The following BCKDHB variants were observed in gnomAD, a reference collection of about 807,000 sequenced individuals.
The protein encoded by BCKDHB is 2-oxoisovalerate dehydrogenase subunit beta, mitochondrial.
BCKDHB carries 41 observed loss-of-function variants against 48.5 expected under a neutral mutation model. That is an observed-to-expected ratio of 0.85 (90% CI 0.66 to 1.10). The LOEUF (loss-of-function observed/expected upper bound fraction) is 1.10. BCKDHB is among the 50% of genes least tolerant of loss of function. The probability of loss-of-function intolerance (pLI) is 0.00; values close to 1 mark genes in which losing one functional copy is unlikely to be tolerated. For missense variants in BCKDHB, 496 were observed against 494.2 expected (o/e 1.00, Z -0.03); for synonymous variants, 201 against 174.8 (o/e 1.15, Z -1.18).
the BCKDHB span, chr6:80,453,166 G>A: frequency 6.6e-6 from 1 of 152,128 alleles, no homozygotes; most frequent in Non-Finnish European, 1.5e-5. Flanking sequence ...GCGGGAACTG[G>A]GGGCTCTGCT....
At position 80,184,383 on chromosome 6, in the gene BCKDHB, T is replaced by TATCTACTTGGTAGATAC. The variant is rs1173401500; in HGVS notation, c.742+12994_742+12995insTCTACTTGGTAGATACA. Among the ~76,000 whole-genome samples, 4 of 152,186 alleles carry TATCTACTTGGTAGATAC rather than the reference T, an allele frequency of 2.6e-5. No homozygotes were observed. In the South Asian group the frequency reaches 8.3e-4, roughly 31 times the overall value. On this transcript the variant is annotated intron_variant, in intron 6 of 9. Coordinates refer to ENST00000320393, the MANE Select transcript of BCKDHB (RefSeq NM_183050.4). ...AGACAGACAGTAGATACTTGGTTGGTAGATTTTTATTTATTCTGTATCTCT... is the reference window on the plus strand; with the variant it reads ...AGACAGACAGTAGATACTTGGTTGGTATCTACTTGGTAGATACAGATTTTTATTTATTCTGTATCTCT...
intron 9 of BCKDHB, among the ~76,000 whole-genome samples, chr6:80,288,408 T>C (rs1488132546): frequency 6.6e-6 from 1 of 152,178 alleles, no homozygotes; most frequent in Non-Finnish European, 1.5e-5. Flanking sequence ...ATTTGTTTAA[T>C]GGCATACTGA....
intron 8 of BCKDHB, among the ~76,000 whole-genome samples, chr6:80,259,813 A>G (rs1777217688): frequency 6.6e-6 from 1 of 152,166 alleles, no homozygotes; most frequent in Admixed American, 6.5e-5. Context: ...CCAATTCTGA[A>G]TTTTATTTTT....
chr6:80,303,737 C>T (rs1199191585), intron 9 of BCKDHB, among the ~76,000 whole-genome samples: 1 of 151,934 alleles, frequency 6.6e-6, no homozygotes, highest in Non-Finnish European at 1.5e-5. Context: ...AGCAAATAGA[C>T]CTAAGGAACT....
chr6:80,209,284 C>T (rs1379872941), intron 8 of BCKDHB, among the ~76,000 whole-genome samples: 1 of 151,690 alleles, frequency 6.6e-6, no homozygotes, highest in African/African-American at 2.4e-5. Flanking sequence ...ATACGTATGT[C>T]AGAACTTTAC....
At chr6:80,453,169 G>C in the BCKDHB span, 1 of 152,084 alleles carries the variant, frequency 6.6e-6, no homozygotes, top group Non-Finnish European at 1.5e-5. Context: ...GGAACTGGGG[G>C]CTCTGCTCAT....
intron 8 of BCKDHB, among the ~76,000 whole-genome samples, chr6:80,258,363 A>G (rs955017767): frequency 4.6e-5 from 7 of 152,172 alleles, no homozygotes; most frequent in African/African-American, 1.2e-4. Flanking sequence ...TGAAGGGGCA[A>G]TGGGTTGAGA....
At chr6:80,316,287 T>A (rs1768439458) in intron 9 of BCKDHB, among the ~76,000 whole-genome samples, 1 of 152,272 alleles carries the variant, frequency 6.6e-6, no homozygotes, top group Non-Finnish European at 1.5e-5. Context: ...TTAGATTTCC[T>A]TGAATCATAA....
chr6:80,197,984 A>G (rs1434393882), intron 6 of BCKDHB, among the ~76,000 whole-genome samples: 3 of 150,704 alleles, frequency 2.0e-5, no homozygotes, highest in Non-Finnish European at 3.0e-5. Flanking sequence ...CCATCCGTCT[A>G]TGCATCTATC....
chr6:80,142,720 C>G (rs1258255015), intron 3 of BCKDHB, among the ~76,000 whole-genome samples: 1 of 152,028 alleles, frequency 6.6e-6, no homozygotes, highest in Non-Finnish European at 1.5e-5. Flanking sequence ...TTTGACCTAA[C>G]TTTAAGACTA....
At chr6:80,312,076 C>G (rs1180335170) in intron 9 of BCKDHB, among the ~76,000 whole-genome samples, 1 of 152,102 alleles carries the variant, frequency 6.6e-6, no homozygotes, top group Non-Finnish European at 1.5e-5. Flanking sequence ...TTTTCCATGT[C>G]TTTGTGTCAT....
chr6:80,255,960 G>A (rs1450257214), intron 8 of BCKDHB, among the ~76,000 whole-genome samples: 1 of 152,142 alleles, frequency 6.6e-6, no homozygotes. Context: ...TGTACCATTA[G>A]CGAAGTGATT....
intron 9 of BCKDHB, among the ~76,000 whole-genome samples, chr6:80,282,419 A>G (rs1416998903): frequency 6.6e-6 from 1 of 152,128 alleles, no homozygotes; most frequent in Middle Eastern, 3.2e-3. Context: ...AATTCTAGGA[A>G]TCCTCACTTA....
Position 80,151,429 on chromosome 6 carries a change from T to G in BCKDHB, c.344-16249T>G, listed in dbSNP as rs566709128. Among the ~76,000 whole-genome samples the G allele has an allele frequency of 5.9e-5, 9 of 151,396 alleles. No homozygotes were observed. The East Asian group carries it at 1.2e-3, about 20-fold the overall frequency. On this transcript the variant is annotated intron_variant, in intron 3 of 9. Coordinates refer to ENST00000320393, the MANE Select transcript of BCKDHB (RefSeq NM_183050.4). ...AATTTTTAAAACTAACTTTTTTTTTTTTTGTTTTTTTGTTTTTGGCCAAAC... is the reference window on the plus strand; with the variant it reads ...AATTTTTAAAACTAACTTTTTTTTTGTTTGTTTTTTTGTTTTTGGCCAAAC...
chr6:80,402,321 G>T, the BCKDHB span, among the ~76,000 whole-genome samples: 1 of 151,704 alleles, frequency 6.6e-6, no homozygotes, highest in South Asian at 2.1e-4. Flanking sequence ...ATAGGCGTGA[G>T]ATGATATCTT....
At chr6:80,226,191 T>A (rs564617406) in intron 8 of BCKDHB, among the ~76,000 whole-genome samples, 1 of 152,316 alleles carries the variant, frequency 6.6e-6, no homozygotes, top group South Asian at 2.1e-4. Context: ...GTGTAGAGTC[T>A]TATTTTGTTT....
intron 9 of BCKDHB, among the ~76,000 whole-genome samples, chr6:80,318,956 T>C (rs1186856650): frequency 1.3e-5 from 2 of 152,228 alleles, no homozygotes; most frequent in Non-Finnish European, 2.9e-5. Flanking sequence ...CCTTTATGGA[T>C]ACCAAGGGTT....
the BCKDHB span, among the ~76,000 whole-genome samples, chr6:80,363,811 T>G: frequency 6.6e-6 from 1 of 152,198 alleles, no homozygotes; most frequent in African/African-American, 2.4e-5. Flanking sequence ...GAGGTCTACA[T>G]AAAAATATTG....
At chr6:80,458,435 G>A in the BCKDHB span, among the ~76,000 whole-genome samples, 8 of 152,198 alleles carry the variant, frequency 5.3e-5, no homozygotes, top group Non-Finnish European at 1.2e-4. Context: ...TTTAGTGGAT[G>A]GAAGAAGCAG....
Sources: gnomAD v4.1 joint callset for allele counts (sites outside exome capture counted in the v4.1 genomes callset) on GRCh38, gnomAD v4.1.1 for gene constraint, MANE v1.5 for transcripts, NCBI Gene and HGNC (gene_info 2026-07-23, HGNC 2026-07-21) for gene names.